Variants in C8orf34 observed in about 807,000 individuals in gnomAD.
The protein encoded by C8orf34 is uncharacterized protein C8orf34.
A neutral mutation model predicts 68.3 loss-of-function variants in C8orf34; 65 were observed. The ratio of observed to expected loss-of-function variants is 0.95; its 90% CI spans 0.78 to 1.17. C8orf34 has a LOEUF of 1.17. Among genes scored for constraint, C8orf34 ranks in the 50% most tolerant of loss-of-function variants. The probability of loss-of-function intolerance (pLI) is 0.00; values close to 1 mark genes in which losing one functional copy is unlikely to be tolerated. For synonymous variants in C8orf34, 244 were observed against 241.2 expected, an observed-to-expected ratio of 1.01 and a Z score of -0.11; for missense variants, 664 against 655.4, an observed-to-expected ratio of 1.01 and a Z score of -0.14.
intron 10 of C8orf34, among the ~76,000 whole-genome samples, chr8:68,761,459 A>G (rs1823021637): frequency 6.6e-6 from 1 of 152,316 alleles, no homozygotes; most frequent in East Asian, 1.9e-4. Context: ...TGAAACTTTC[A>G]TCTATAAGCC....
Position 68,331,301 on chromosome 8 carries a change from G to A in C8orf34, c.289G>A (p.Ala97Thr), listed in dbSNP as rs1188248947. Residue 97 changes from alanine (A) to threonine (T), a missense_variant, in exon 1 of 14, where the codon GCT becomes ACT. Transcript: ENST00000518698. ...MASHPQTRIQAYLEKNKIGPL... is the reference protein window; with the variant it reads ...MASHPQTRIQTYLEKNKIGPL... ...GTCTCATCCGCAAACCCGGATCCAGGCTTACCTGGAGAAGAACAAGATCGG... is the reference window on the plus strand; with the variant it reads ...GTCTCATCCGCAAACCCGGATCCAGACTTACCTGGAGAAGAACAAGATCGG... 3 of 1,536,358 alleles carry A rather than the reference G, an allele frequency of 2.0e-6. No individual in the cohort carries two copies. Among genetic ancestry groups the A allele is most frequent in the Non-Finnish European group, 2.6e-6 (3 of 1,146,986 alleles).
chr8:68,708,403 A>G (rs913369748), intron 8 of C8orf34, among the ~76,000 whole-genome samples: 1 of 152,212 alleles, frequency 6.6e-6, no homozygotes, highest in Non-Finnish European at 1.5e-5. Flanking sequence ...ATATAACAGT[A>G]TAACATTTGA....
At chr8:68,539,783 G>A (rs533806738) in intron 7 of C8orf34, among the ~76,000 whole-genome samples, 16 of 151,988 alleles carry the variant, frequency 1.1e-4, no homozygotes, top group African/African-American at 3.1e-4. Context: ...GAACCTGGGA[G>A]GCAGAGGTTG....
intron 8 of C8orf34, among the ~76,000 whole-genome samples, chr8:68,671,316 A>C (rs1820000719): frequency 6.6e-6 from 1 of 152,240 alleles, no homozygotes; most frequent in South Asian, 2.1e-4. Context: ...TATATGAACA[A>C]CCATCTGATC....
chr8:68,735,176 C>A (rs1822089271), intron 10 of C8orf34, among the ~76,000 whole-genome samples: 1 of 152,112 alleles, frequency 6.6e-6, no homozygotes, highest in Non-Finnish European at 1.5e-5. Flanking sequence ...TAATGGGATT[C>A]AAATAATCAC....
Position 68,384,654 on chromosome 8 carries a change from T to C in C8orf34, c.327+53315T>C, listed in dbSNP as rs574818391. Among the ~76,000 whole-genome samples the C allele has an allele frequency of 2.6e-5, 4 of 152,342 alleles. No homozygotes were observed. The South Asian group carries it at 8.3e-4, about 32-fold the overall frequency. Reference sequence around the variant, plus strand: ...CTGCTGTTGCTGATTGCTCTCAGATTAATCAGGCTAAAACTGGTTGTTTAA... The same window carrying C: ...CTGCTGTTGCTGATTGCTCTCAGATCAATCAGGCTAAAACTGGTTGTTTAA... On this transcript the variant is annotated intron_variant, in intron 1 of 13. Coordinates refer to ENST00000518698, the MANE Select transcript of C8orf34 (RefSeq NM_052958.4).
At chr8:68,789,151 A>G (rs1183544483) in intron 12 of C8orf34, among the ~76,000 whole-genome samples, 2 of 152,196 alleles carry the variant, frequency 1.3e-5, no homozygotes, top group Non-Finnish European at 2.9e-5. Context: ...TTTTTCACCA[A>G]TTCTTTTGAG....
intron 1 of C8orf34, among the ~76,000 whole-genome samples, chr8:68,374,933 T>C (rs926689711): frequency 3.3e-5 from 5 of 152,202 alleles, no homozygotes; most frequent in African/African-American, 1.2e-4. Flanking sequence ...GTTGTGAAGA[T>C]TAAATAGGGA....
intron 3 of C8orf34, among the ~76,000 whole-genome samples, chr8:68,462,071 G>T (rs570115212): frequency 2.0e-5 from 3 of 152,096 alleles, no homozygotes; most frequent in Non-Finnish European, 4.4e-5. Context: ...ACACACATAG[G>T]CTCAAAATAA....
At chr8:68,489,034 T>C (rs1276929763) in intron 5 of C8orf34, among the ~76,000 whole-genome samples, 1 of 152,088 alleles carries the variant, frequency 6.6e-6, no homozygotes, top group Non-Finnish European at 1.5e-5. Context: ...TTAACACAAA[T>C]AACAGTTTTA....
At chr8:68,723,417 C>T (rs969921860) in intron 10 of C8orf34, among the ~76,000 whole-genome samples, 1 of 152,042 alleles carries the variant, frequency 6.6e-6, no homozygotes, top group African/African-American at 2.4e-5. Flanking sequence ...TGCCAAGTCC[C>T]CTGTAACATG....
intron 8 of C8orf34, among the ~76,000 whole-genome samples, chr8:68,686,546 G>A (rs1820524739): frequency 6.6e-6 from 1 of 152,028 alleles, no homozygotes; most frequent in Non-Finnish European, 1.5e-5. Flanking sequence ...CTCAATAGAT[G>A]CAATAAAAGC....
At chr8:68,745,595 A>C (rs1822462916) in intron 10 of C8orf34, among the ~76,000 whole-genome samples, 1 of 152,146 alleles carries the variant, frequency 6.6e-6, no homozygotes, top group African/African-American at 2.4e-5. Context: ...CTAGTCTCTG[A>C]TAAAACAGAC....
At chr8:68,553,681 G>A (rs970724774) in intron 7 of C8orf34, among the ~76,000 whole-genome samples, 9 of 151,888 alleles carry the variant, frequency 5.9e-5, no homozygotes, top group African/African-American at 2.2e-4. Flanking sequence ...TATCCGTATG[G>A]TCAGTAGCCC....
chr8:68,799,025 A>T (rs1285192545), intron 12 of C8orf34, among the ~76,000 whole-genome samples: 2 of 152,330 alleles, frequency 1.3e-5, no homozygotes, highest in East Asian at 3.9e-4. Flanking sequence ...CATAACAAGC[A>T]TCAGAGAAGG....
intron 7 of C8orf34, among the ~76,000 whole-genome samples, chr8:68,592,285 A>G (rs569592516): frequency 2.0e-5 from 3 of 152,210 alleles, no homozygotes; most frequent in Admixed American, 2.0e-4. Flanking sequence ...TCAATTTAGC[A>G]TATCTATTTA....
At chr8:68,556,809 A>C (rs1816270657) in intron 7 of C8orf34, among the ~76,000 whole-genome samples, 1 of 152,228 alleles carries the variant, frequency 6.6e-6, no homozygotes, top group Admixed American at 6.5e-5. Flanking sequence ...TCATCCACAA[A>C]TGGCAGTTAA....
chr8:68,553,260 C>T (rs1020976014), intron 7 of C8orf34, among the ~76,000 whole-genome samples: 1 of 151,784 alleles, frequency 6.6e-6, no homozygotes, highest in Non-Finnish European at 1.5e-5. Context: ...TGGCATGTGC[C>T]TGTAGTCCTA....
At chr8:68,377,959 C>A (rs1352978672) in intron 1 of C8orf34, among the ~76,000 whole-genome samples, 1 of 152,020 alleles carries the variant, frequency 6.6e-6, no homozygotes, top group African/African-American at 2.4e-5. Context: ...CCATCAGAAA[C>A]CATCAGATCT....
Sources: allele counts gnomAD v4.1 joint callset (sites outside exome capture counted in the v4.1 genomes callset), GRCh38; gene constraint gnomAD v4.1.1; transcripts MANE v1.5; gene names NCBI Gene and HGNC (gene_info 2026-07-23, HGNC 2026-07-21).